The following SGSM3 variants were observed in gnomAD, a reference collection of about 807,000 sequenced individuals.
SGSM3 encodes the protein RUN and SH3 containing 3.
In SGSM3, 96 loss-of-function variants were observed where a neutral mutation model predicts 100.5. The ratio of observed to expected loss-of-function variants is 0.96; its 90% CI spans 0.81 to 1.13. The LOEUF is 1.13. Ranked by LOEUF, SGSM3 falls within the 50% of genes most tolerant of loss-of-function variation. The pLI is 0.00. For synonymous variants in SGSM3, 483 were observed against 422.8 expected, an observed-to-expected ratio of 1.14 and a Z score of -1.75; for missense variants, 1,001 against 1,015.8, an observed-to-expected ratio of 0.99 and a Z score of 0.20.
intron 1 of SGSM3, chr22:40,387,515 C>T (rs2146858284): frequency 3.6e-6 from 1 of 274,080 alleles, no homozygotes. Context: ...TAATATAAAA[C>T]TTTCAATATA....
intron 1 of SGSM3, among the ~76,000 whole-genome samples, chr22:40,393,954 T>G (rs1464389938): frequency 1.3e-5 from 2 of 152,226 alleles, no homozygotes; most frequent in Non-Finnish European, 2.9e-5. Flanking sequence ...CTAGAAATAC[T>G]CACTTCTGTT....
chr22:40,408,306 G>T lies in SGSM3; in HGVS notation c.1659G>T (p.Thr553=), dbSNP rs527973874. The change falls in exon 16 of 22, where the codon ACG becomes ACT. Residue 553 remains threonine, a synonymous_variant. Transcript: ENST00000248929. ...EYSIAGDDSV[T]EGVTDLVRGT... The stretch of plus-strand genomic sequence containing the variant: ...CCATCGCGGGGGATGACTCGGTGAC[G>T]GAGGGGGTCACAGACCTCGTGCGAG... 1.9e-5 allele frequency: 30 copies of T among 1,613,478 alleles called. No homozygotes were observed. The highest frequency in any genetic ancestry group is 2.5e-5 in the Non-Finnish European group (30 of 1,179,998).
intron 15 of SGSM3, 35 bp downstream of exon 15, chr22:40,408,155 C>A: frequency 6.2e-7 from 1 of 1,610,636 alleles, no homozygotes; most frequent in Non-Finnish European, 8.5e-7. Flanking sequence ...ACGGCTGGCA[C>A]CCTTCTAGCC....
chr22:40,408,549 CA>C (rs2052016108), intron 16 of SGSM3, 77 bp from the exon 17 acceptor site: 2 of 1,589,152 alleles, frequency 1.3e-6, no homozygotes, highest in Middle Eastern at 1.7e-4. Flanking sequence ...AGCGTGGTGA[CA>C]GGTGCCCAGT....
intron 1 of SGSM3, chr22:40,372,905 G>A (rs2045870188): frequency 6.6e-6 from 1 of 152,212 alleles, no homozygotes; most frequent in Admixed American, 6.5e-5. Context: ...TTCAGCTGGT[G>A]ACGTCAGTAA....
intron 1 of SGSM3, among the ~76,000 whole-genome samples, chr22:40,394,605 A>G (rs576916905): frequency 1.3e-5 from 2 of 148,730 alleles, no homozygotes; most frequent in South Asian, 4.2e-4. Flanking sequence ...AGATTGTGCC[A>G]CTGCACTCTA....
chr22:40,408,038 G>A, intron 14 of SGSM3, 33 bp from the exon 15 acceptor site: 3 of 1,609,600 alleles, frequency 1.9e-6, no homozygotes, highest in East Asian at 2.2e-5. Flanking sequence ...CGGCCCTCGT[G>A]GTTGCTCCTT....
intron 1 of SGSM3, among the ~76,000 whole-genome samples, chr22:40,374,241 C>T (rs1290580064): frequency 3.3e-5 from 5 of 152,142 alleles, no homozygotes; most frequent in South Asian, 2.1e-4. Flanking sequence ...TGTGAGCCAC[C>T]GTGCCCAGCC....
intron 1 of SGSM3, among the ~76,000 whole-genome samples, chr22:40,400,131 T>C (rs938167473): frequency 2.6e-5 from 4 of 152,238 alleles, no homozygotes; most frequent in African/African-American, 9.6e-5. Flanking sequence ...GCATGGAGAA[T>C]AGGTTCTGTT....
intron 1 of SGSM3, among the ~76,000 whole-genome samples, chr22:40,371,869 G>A (rs2045568887): frequency 6.6e-6 from 1 of 150,502 alleles, no homozygotes; most frequent in Non-Finnish European, 1.5e-5. Context: ...GCTAATTTGT[G>A]TATTTTTAAT....
rs763081645 is a variant in SGSM3, at chr22:40,408,675, C to G, written c.1831C>G (p.Leu611Val). ...AGACTTTGCCTCCGTGTATTCCCGTCTGGTGCTCTGTAAGACCTTCAGGTA... is the reference window on the plus strand; with the variant it reads ...AGACTTTGCCTCCGTGTATTCCCGTGTGGTGCTCTGTAAGACCTTCAGGTA... ...ERDFASVYSR[L>V]VLCKTFRLDE... Residue 611 changes from leucine (L) to valine (V), a missense_variant, in exon 17 of 22, where the codon CTG becomes GTG. Coordinates refer to ENST00000248929, the MANE Select transcript of SGSM3 (RefSeq NM_015705.6). 7.4e-6 allele frequency: 12 copies of G among 1,614,058 alleles called. No individual in the cohort carries two copies. The highest frequency in any genetic ancestry group is 1.0e-5 in the Non-Finnish European group (12 of 1,180,032).
chr22:40,403,675 G>A (rs1346045485), intron 4 of SGSM3, among the ~76,000 whole-genome samples: 2 of 152,198 alleles, frequency 1.3e-5, no homozygotes, highest in African/African-American at 4.8e-5. Flanking sequence ...AGCAGCTGAG[G>A]GAGCGCTGGA....
intron 1 of SGSM3, among the ~76,000 whole-genome samples, chr22:40,381,907 C>T (rs2047638033): frequency 6.6e-6 from 1 of 152,162 alleles, no homozygotes; most frequent in East Asian, 1.9e-4. Context: ...TGCAGTGAGC[C>T]AAGATTCGCG....
At chr22:40,409,082 G>T in intron 19 of SGSM3, 64 bp downstream of exon 19, 2 of 1,551,822 alleles carry the variant, frequency 1.3e-6, no homozygotes, top group South Asian at 2.3e-5. Context: ...AGCATCAGGG[G>T]GGGTCCTTAC....
At chr22:40,373,476 T>A (rs932115610) in intron 1 of SGSM3, 2 of 152,162 alleles carry the variant, frequency 1.3e-5, no homozygotes, top group African/African-American at 4.8e-5. Context: ...ATTGAATATC[T>A]ACTGTGTATA....
intron 1 of SGSM3, among the ~76,000 whole-genome samples, chr22:40,377,845 CAAAAA>C (rs35941683): frequency 4.9e-5 from 3 of 61,598 alleles, no homozygotes; most frequent in Non-Finnish European, 7.1e-5. Context: ...GACCCTGTCT[CAAAAA>C]AAAAAAAAAA....
chr22:40,404,146 G>C (rs1002626820), intron 4 of SGSM3, 101 bp from the exon 5 acceptor site: 12 of 985,664 alleles, frequency 1.2e-5, no homozygotes, highest in East Asian at 7.7e-5. Flanking sequence ...AGCTGGCCTA[G>C]AGCCATGAAG....
intron 19 of SGSM3, 41 bp from the exon 20 acceptor site, chr22:40,409,209 C>G (rs370904144): frequency 2.5e-6 from 4 of 1,568,822 alleles, no homozygotes; most frequent in Non-Finnish European, 3.4e-6. Flanking sequence ...CCAGAAGGGC[C>G]TGGAGCTGCC....
Position 40,405,249 on chromosome 22 carries a change from T to C in SGSM3, c.583T>C (p.Tyr195His), listed in dbSNP as rs754295199. 1.9e-6 allele frequency: 3 copies of C among 1,544,258 alleles called. No homozygotes were observed. The highest frequency in any genetic ancestry group is 2.6e-6 in the Non-Finnish European group (3 of 1,144,268). ...RRVLRALAWL[Y>H]PEIGYCQGTG... ...GGTGCTCCGGGCCCTGGCCTGGCTC[T>C]ACCCAGAGATCGGCTACTGCCAGGG... Residue 195 changes from tyrosine to histidine, a missense_variant, in exon 7 of 22, where the codon TAC becomes CAC. By Grantham distance (83) the Tyr-to-His change is moderately conservative. Coordinates refer to ENST00000248929, the MANE Select transcript of SGSM3 (RefSeq NM_015705.6).
Sources: gnomAD v4.1 joint callset for allele counts (sites outside exome capture counted in the v4.1 genomes callset) on GRCh38, gnomAD v4.1.1 for gene constraint, MANE v1.5 for transcripts, NCBI Gene and HGNC (gene_info 2026-07-23, HGNC 2026-07-21) for gene names.